Variants in HSPBAP1 observed in about 807,000 individuals in gnomAD.
The protein encoded by HSPBAP1 is HSPB1-associated protein 1.
HSPBAP1 carries 27 observed loss-of-function variants against 45.2 expected under a neutral mutation model. That is an observed-to-expected ratio of 0.60 (90% CI 0.44 to 0.82). The LOEUF (loss-of-function observed/expected upper bound fraction) is 0.82. Among genes scored for constraint, HSPBAP1 ranks in the 40% least tolerant of loss-of-function variants. The pLI, the probability that HSPBAP1 is intolerant of heterozygous loss-of-function variation, is 0.00. For missense variants in HSPBAP1, 510 were observed against 590.9 expected (o/e 0.86, Z 1.42); for synonymous variants, 204 against 202.7 (o/e 1.01, Z -0.06).
At chr3:122,744,938 G>C (rs1444342855) in intron 6 of HSPBAP1, among the ~76,000 whole-genome samples, 1 of 150,150 alleles carries the variant, frequency 6.7e-6, no homozygotes, top group African/African-American at 2.5e-5. Flanking sequence ...GTTTACTAAA[G>C]AAGAATATTA....
chr3:122,756,660 T>C, intron 4 of HSPBAP1, among the ~76,000 whole-genome samples: 1 of 149,216 alleles, frequency 6.7e-6, no homozygotes, highest in East Asian at 2.0e-4. Context: ...ATTGTGCCAC[T>C]GCACTCCAGC....
At chr3:122,758,655 C>A (rs1934441405) in intron 4 of HSPBAP1, 1 of 446,316 alleles carries the variant, frequency 2.2e-6, no homozygotes, top group Non-Finnish European at 4.5e-6. Context: ...GTGGCTCACA[C>A]CAGAACTTTG....
At chr3:122,762,811 T>C (rs1934645822) in intron 3 of HSPBAP1, among the ~76,000 whole-genome samples, 1 of 152,212 alleles carries the variant, frequency 6.6e-6, no homozygotes, top group African/African-American at 2.4e-5. Flanking sequence ...TTGATAAAGA[T>C]TCCATATGCA....
intron 1 of HSPBAP1, among the ~76,000 whole-genome samples, chr3:122,785,723 A>G (rs1167352400): frequency 6.6e-6 from 1 of 152,116 alleles, no homozygotes; most frequent in East Asian, 1.9e-4. Context: ...ATAATTTTTT[A>G]TTTAACTTCT....
chr3:122,786,643 T>C (rs1935666011), intron 1 of HSPBAP1, among the ~76,000 whole-genome samples: 1 of 152,240 alleles, frequency 6.6e-6, no homozygotes, highest in Admixed American at 6.5e-5. Flanking sequence ...GATTATTTAA[T>C]AGGAGACCTC....
intron 1 of HSPBAP1, among the ~76,000 whole-genome samples, chr3:122,778,130 G>T (rs1385362457): frequency 2.0e-5 from 3 of 150,900 alleles, no homozygotes; most frequent in Non-Finnish European, 2.9e-5. Context: ...TGTTACATGG[G>T]TATATTGTAG....
chr3:122,741,890 T>C (rs960613742), intron 6 of HSPBAP1: 2 of 152,166 alleles, frequency 1.3e-5, no homozygotes, highest in African/African-American at 2.4e-5. Flanking sequence ...AAGTGGGACA[T>C]TGAGAGACAA....
intron 1 of HSPBAP1, among the ~76,000 whole-genome samples, chr3:122,782,047 T>TA (rs1227103442): frequency 1.3e-5 from 2 of 152,258 alleles, no homozygotes; most frequent in South Asian, 2.1e-4. Flanking sequence ...ACTTTAGTGT[T>TA]AAAAAAAGGC....
chr3:122,779,282 C>T lies in HSPBAP1; in HGVS notation c.65-1376G>A, dbSNP rs547508558. 6.6e-5 allele frequency among the ~76,000 whole-genome samples: 10 copies of T among 151,614 alleles called. 1 individual carries two copies. In the South Asian group the frequency reaches 1.2e-3, roughly 19 times the overall value. On this transcript the variant is annotated intron_variant, in intron 1 of 7. Transcript: ENST00000306103. ...GGTCTTGAACTCCTGACCTCGTGAT[C>T]CACCTGCCTCGACCTCCCGTAGTGC... is the stretch of plus-strand genomic sequence containing the variant.
At chr3:122,761,299 C>T (rs371390975) in intron 3 of HSPBAP1, among the ~76,000 whole-genome samples, 2 of 152,094 alleles carry the variant, frequency 1.3e-5, no homozygotes, top group African/African-American at 2.4e-5. Flanking sequence ...AAAGCACACA[C>T]GAAACTTTAT....
chr3:122,746,526 G>T (rs1933860404), intron 6 of HSPBAP1, among the ~76,000 whole-genome samples: 1 of 151,550 alleles, frequency 6.6e-6, no homozygotes, highest in Non-Finnish European at 1.5e-5. Flanking sequence ...AAATCATGAA[G>T]GGAAAACAAA....
rs751002070 is a variant in HSPBAP1, at chr3:122,752,580, C to T, written c.825+11G>A. 2.6e-5 allele frequency: 37 copies of T among 1,426,026 alleles called. No homozygotes were observed. Among genetic ancestry groups the T allele is most frequent in the Non-Finnish European group, 3.5e-5 (37 of 1,066,710 alleles). The allele number at this position is 1,426,026 out of a possible 1,614,324, so 88.3% of individuals were successfully genotyped here. A position where few individuals can be genotyped will look rare whatever the true frequency, so the allele number is the denominator to read the frequency against. On this transcript the variant is annotated intron_variant, in intron 6 of 7. Transcript: ENST00000306103. ...TTACTTAAAAAAAAAAAAAAAACAA[C>T]GAAAAAGTACCAGTTCAATCCATGA...
chr3:122,751,730 C>A (rs773583994), intron 6 of HSPBAP1, among the ~76,000 whole-genome samples: 2 of 152,092 alleles, frequency 1.3e-5, no homozygotes, highest in African/African-American at 4.8e-5. Flanking sequence ...ATGCTATAGG[C>A]GAAATTTCTG....
intron 4 of HSPBAP1, chr3:122,758,840 C>T: frequency 2.2e-6 from 1 of 449,478 alleles, no homozygotes; most frequent in Non-Finnish European, 4.4e-6. Context: ...ATGATCATGC[C>T]ATTGCACTCC....
At chr3:122,760,285 A>G (rs951594988) in intron 3 of HSPBAP1, among the ~76,000 whole-genome samples, 6 of 151,978 alleles carry the variant, frequency 3.9e-5, no homozygotes, top group Non-Finnish European at 7.4e-5. Context: ...AAAACATACT[A>G]GTGAACCAGG....
chr3:122,774,325 A>G (rs1296171243), intron 2 of HSPBAP1, among the ~76,000 whole-genome samples: 1 of 152,216 alleles, frequency 6.6e-6, no homozygotes, highest in Non-Finnish European at 1.5e-5. Context: ...CTAAGATCTG[A>G]CAGAAGGAGA....
intron 6 of HSPBAP1, among the ~76,000 whole-genome samples, chr3:122,742,225 T>C (rs919847799): frequency 1.9e-4 from 29 of 151,180 alleles, no homozygotes; most frequent in Non-Finnish European, 4.4e-5. Flanking sequence ...AATGAATAAA[T>C]ATTAATAATG....
chr3:122,777,661 G>C (rs1935231112), intron 2 of HSPBAP1, 60 bp downstream of exon 2: 4 of 1,205,118 alleles, frequency 3.3e-6, no homozygotes, highest in Middle Eastern at 2.0e-4. Context: ...GGAGGCCACT[G>C]CTGAGAATGT....
intron 1 of HSPBAP1, among the ~76,000 whole-genome samples, chr3:122,782,109 ACTT>A (rs1935506733): frequency 6.6e-6 from 1 of 152,226 alleles, no homozygotes; most frequent in Non-Finnish European, 1.5e-5. Context: ...GGAAAATACT[ACTT>A]CCTAAGTAGA....
Sources: allele counts gnomAD v4.1 joint callset (sites outside exome capture counted in the v4.1 genomes callset), GRCh38; gene constraint gnomAD v4.1.1; transcripts MANE v1.5; gene names NCBI Gene and HGNC (gene_info 2026-07-23, HGNC 2026-07-21).